Variants in CCDC197 observed in about 807,000 individuals in gnomAD.
CCDC197 encodes uncharacterized protein CCDC197.
In CCDC197, 24 loss-of-function variants were observed where a neutral mutation model predicts 13.4. The observed-to-expected ratio is 1.80, with a 90% confidence interval of 1.30 to 2.53. CCDC197 has a LOEUF of 2.53. Among genes scored for constraint, CCDC197 ranks in the 30% most tolerant of loss-of-function variants. The pLI, the probability that CCDC197 is intolerant of heterozygous loss-of-function variation, is 0.00. For synonymous variants in CCDC197, 99 were observed against 55.5 expected (o/e 1.78, Z -3.48); for missense variants, 255 against 148.8 (o/e 1.71, Z -3.71).
At chr14:94,010,711 G>T (rs117696656), downstream of CCDC197, among the ~76,000 whole-genome samples, 2,578 of 152,308 alleles carry the variant, frequency 0.017, 46 homozygotes, top group South Asian at 0.057. Flanking sequence ...AGCAGTCTGA[G>T]AAGGTGGCTG....
Position 94,003,830 on chromosome 14 carries a change from A to G in CCDC197, c.498+476A>G, listed in dbSNP as rs942999264. 2.6e-5 allele frequency among the ~76,000 whole-genome samples: 4 copies of G among 152,212 alleles called. No homozygotes were observed. The highest frequency in any genetic ancestry group is 9.6e-5 in the African/African-American group (4 of 41,460). On this transcript the variant is annotated intron_variant, in intron 5 of 6. Transcript: ENST00000636493. This position sits in a 1 kb window ranked among gnomAD's most constrained non-coding sequence, Gnocchi z 5.0. Reference sequence around the variant, plus strand: ...GGAAAACTGAGGCCACAGATATTTCAGGACAGAGCTCTGCCAAGAACCAGA... The same window carrying G: ...GGAAAACTGAGGCCACAGATATTTCGGGACAGAGCTCTGCCAAGAACCAGA...
chr14:93,988,281 T>TG (rs1159790071), intron 1 of CCDC197, among the ~76,000 whole-genome samples: 1 of 16,446 alleles, frequency 6.1e-5, no homozygotes, highest in East Asian at 1.4e-3. Context: ...GAGGAAAGGA[T>TG]GGAGGAGGGG....
At chr14:94,001,529 G>A (rs527433317) in intron 4 of CCDC197, 8 of 492,310 alleles carry the variant, frequency 1.6e-5, no homozygotes, top group Non-Finnish European at 2.9e-5. Context: ...CGTGCCTAAC[G>A]TTGTTCTGCG....
chr14:93,988,047 G>A (rs1406256423), intron 1 of CCDC197, among the ~76,000 whole-genome samples: 8 of 126,938 alleles, frequency 6.3e-5, no homozygotes, highest in Non-Finnish European at 1.2e-4. Flanking sequence ...GGAGAAGAGG[G>A]GTGGGGCCGG....
chr14:94,005,947 A>G (rs1890667829), intron 6 of CCDC197, among the ~76,000 whole-genome samples: 1 of 152,230 alleles, frequency 6.6e-6, no homozygotes, highest in Non-Finnish European at 1.5e-5. Context: ...TATTATGAAT[A>G]TTACTGCTAA....
upstream of CCDC197, among the ~76,000 whole-genome samples, chr14:93,993,891 G>A (rs527958009): frequency 9.9e-5 from 15 of 152,258 alleles, no homozygotes; most frequent in African/African-American, 3.1e-4. Flanking sequence ...AGAGACCTGC[G>A]CCCCTCACCG....
At chr14:93,998,662 C>T (rs929559971) in intron 2 of CCDC197, among the ~76,000 whole-genome samples, 8 of 152,226 alleles carry the variant, frequency 5.3e-5, no homozygotes, top group African/African-American at 9.6e-5. Context: ...AGCCTGAATT[C>T]GATGCAAAAG....
At chr14:93,996,237 G>T (rs759783579), upstream of CCDC197, among the ~76,000 whole-genome samples, 2 of 150,030 alleles carry the variant, frequency 1.3e-5, no homozygotes, top group Non-Finnish European at 2.9e-5. Context: ...GCCAGAGCAA[G>T]GACCCTTCAC....
Position 94,008,750 on chromosome 14 carries a change from G to A in CCDC197, c.757G>A (p.Val253Ile), listed in dbSNP as rs1464175874. 4.3e-6 allele frequency: 3 copies of A among 702,622 alleles called. No homozygotes were observed. Among genetic ancestry groups the A allele is most frequent in the African/African-American group, 3.5e-5 (2 of 57,264 alleles). The allele number at this position is 702,622 out of a possible 1,614,324, so 43.5% of individuals were successfully genotyped here. A position where few individuals can be genotyped will look rare whatever the true frequency, so the allele number is the denominator to read the frequency against. The change falls in exon 7 of 7, where the codon GTT (valine) becomes ATT (isoleucine). Residue 253 changes from valine (V) to isoleucine (I), a missense_variant. Physicochemically the swap from Val to Ile is conservative, Grantham distance 29 (BLOSUM62 3). Transcript: ENST00000636493. ...KPFRKCPRRR[V>I]STPRTPFPSP... Reference sequence around the variant, plus strand: ...CTTCAGGAAATGTCCAAGGAGGCGGGTTTCCACCCCCAGGACCCCCTTTCC... The same window carrying A: ...CTTCAGGAAATGTCCAAGGAGGCGGATTTCCACCCCCAGGACCCCCTTTCC...
At chr14:93,993,145 T>C (rs977929125), upstream of CCDC197, among the ~76,000 whole-genome samples, 1 of 152,154 alleles carries the variant, frequency 6.6e-6, no homozygotes, top group African/African-American at 2.4e-5. Flanking sequence ...GCTCTTGCAT[T>C]AGGGGATCAG....
At chr14:94,007,196 A>G (rs986963921) in intron 6 of CCDC197, 2 of 152,148 alleles carry the variant, frequency 1.3e-5, no homozygotes, top group African/African-American at 4.8e-5. Context: ...AAAAGCCATT[A>G]CCTAATCCAG....
chr14:94,007,059 A>C (rs1378024858), intron 6 of CCDC197: 2 of 152,208 alleles, frequency 1.3e-5, no homozygotes, highest in African/African-American at 4.8e-5. Flanking sequence ...CTCTGACCTC[A>C]AGTGATCCAC....
chr14:94,009,874 C>A (rs1021310555), downstream of CCDC197, among the ~76,000 whole-genome samples: 1 of 152,212 alleles, frequency 6.6e-6, no homozygotes, highest in Non-Finnish European at 1.5e-5. Flanking sequence ...TTCTAGCAAC[C>A]ACCACAGCCC....
chr14:93,987,969 G>A (rs560732342), intron 1 of CCDC197, among the ~76,000 whole-genome samples: 81 of 140,280 alleles, frequency 5.8e-4, no homozygotes, highest in Middle Eastern at 3.5e-3. Context: ...GAGGGGAGGG[G>A]CCAGGGAGAA....
At chr14:94,006,529 G>T (rs890932635) in intron 6 of CCDC197, among the ~76,000 whole-genome samples, 2 of 151,788 alleles carry the variant, frequency 1.3e-5, no homozygotes, top group African/African-American at 4.8e-5. Context: ...GCTAAGTTTT[G>T]TATTTCTATT....
upstream of CCDC197, among the ~76,000 whole-genome samples, chr14:93,994,860 G>C (rs556577733): frequency 6.6e-6 from 1 of 152,190 alleles, no homozygotes; most frequent in Admixed American, 6.5e-5. Context: ...GGTGCTAATG[G>C]AGTCTTCCCC....
intron 4 of CCDC197, among the ~76,000 whole-genome samples, chr14:94,002,668 C>A (rs1194102298): frequency 6.6e-5 from 10 of 152,082 alleles, no homozygotes; most frequent in African/African-American, 2.4e-4. Context: ...GCCTGGCCAA[C>A]ATGGTGAAAC....
chr14:94,004,844 C>T lies in CCDC197; in HGVS notation c.499-11C>T, dbSNP rs944490965. 2 of 702,802 alleles carry T rather than the reference C, an allele frequency of 2.8e-6. No individual in the cohort carries two copies. Among genetic ancestry groups the T allele is most frequent in the Non-Finnish European group, 5.2e-6 (2 of 384,842 alleles). 43.5% of individuals were successfully genotyped at this position (702,802 alleles called of 1,614,324 possible). ...GCCTGAGCCACCACCTCCTCCTTCT[C>T]TTTCCTGCAGGATCAGCTGCTCGGC... On this transcript the variant is annotated splice_polypyrimidine_tract_variant and intron_variant, in intron 5 of 6. Transcript: ENST00000636493.
intron 4 of CCDC197, chr14:94,001,602 T>A (rs767106384): frequency 3.1e-6 from 1 of 322,644 alleles, no homozygotes; most frequent in Non-Finnish European, 5.7e-6. Context: ...GCTCAGCCAC[T>A]GACTAGCTGT....
Sources: allele counts gnomAD v4.1 joint callset (sites outside exome capture counted in the v4.1 genomes callset), GRCh38; gene constraint gnomAD v4.1.1; non-coding constraint Gnocchi (gnomAD v3.1); transcripts MANE v1.5; gene names NCBI Gene and HGNC (gene_info 2026-07-23, HGNC 2026-07-21).